Variants in SLC35F3 observed in about 807,000 individuals in gnomAD.
SLC35F3 encodes the protein solute carrier family 35 member F3.
A neutral mutation model predicts 49.9 loss-of-function variants in SLC35F3; 25 were observed. That is an observed-to-expected ratio of 0.50 (90% CI 0.37 to 0.70). The LOEUF (loss-of-function observed/expected upper bound fraction) is 0.70, where lower values mean the gene tolerates loss of function less well. SLC35F3 is among the 30% of genes least tolerant of loss of function. The pLI is 0.00. For missense variants in SLC35F3, 525 were observed against 639.8 expected (o/e 0.82, Z 1.94); for synonymous variants, 275 against 265.4 (o/e 1.04, Z -0.35).
At chr1:234,173,332 T>C (rs1330671975) in intron 2 of SLC35F3, among the ~76,000 whole-genome samples, 1 of 152,184 alleles carries the variant, frequency 6.6e-6, no homozygotes, top group African/African-American at 2.4e-5. Context: ...CCCTGAAAGG[T>C]AGACACTCTT....
At chr1:233,972,747 G>C (rs1456106370) in intron 2 of SLC35F3, among the ~76,000 whole-genome samples, 4 of 152,196 alleles carry the variant, frequency 2.6e-5, no homozygotes, top group African/African-American at 4.8e-5. Flanking sequence ...CATTACTTGG[G>C]TGTATGAGGC....
chr1:234,017,171 C>G (rs1663813340), intron 2 of SLC35F3, among the ~76,000 whole-genome samples: 1 of 152,162 alleles, frequency 6.6e-6, no homozygotes, highest in African/African-American at 2.4e-5. Flanking sequence ...TTAGTGAATA[C>G]TGAACAGTTT....
intron 2 of SLC35F3, among the ~76,000 whole-genome samples, chr1:234,152,935 T>A (rs1461324639): frequency 6.6e-6 from 1 of 152,220 alleles, no homozygotes; most frequent in East Asian, 1.9e-4. Flanking sequence ...TGGCGTGAGA[T>A]GGTGTCTCAT....
intron 2 of SLC35F3, among the ~76,000 whole-genome samples, chr1:234,212,326 G>A (rs1667056338): frequency 6.6e-6 from 1 of 152,202 alleles, no homozygotes; most frequent in African/African-American, 2.4e-5. Flanking sequence ...TTCCCCAGGA[G>A]TGTACAGATG....
chr1:234,059,797 T>C (rs1016178375), intron 2 of SLC35F3, among the ~76,000 whole-genome samples: 1 of 152,170 alleles, frequency 6.6e-6, no homozygotes, highest in African/African-American at 2.4e-5. Context: ...ATTGAAAAAC[T>C]TGGGGCCTGA....
In SLC35F3 at chr1:234,126,476, C is replaced by CGTGTGTGTGTGTGT. The variant is rs147108235; in HGVS notation, c.284-104941_284-104940insGTGTGTGTGTGTGT. ...AATCCACTGATCTGCCCCTGTTTTA[C>CGTGTGTGTGTGTGT]ATGTGTGTGTGTGTGTATTTAGTTC... On this transcript the variant is annotated intron_variant, in intron 2 of 7. Coordinates refer to ENST00000366618, the MANE Select transcript of SLC35F3 (RefSeq NM_173508.4). Among the ~76,000 whole-genome samples the CGTGTGTGTGTGTGT allele has an allele frequency of 4.6e-3, 553 of 119,368 alleles. 5 individuals carry two copies. The highest frequency in any genetic ancestry group is 0.016 in the African/African-American group (509 of 31,662). The allele number at this position is 119,368 out of a possible 152,430, so 78.3% of individuals were successfully genotyped here. A position where few individuals can be genotyped will look rare whatever the true frequency, so the allele number is the denominator to read the frequency against.
intron 2 of SLC35F3, among the ~76,000 whole-genome samples, chr1:234,077,703 G>A (rs564264283): frequency 6.6e-6 from 1 of 152,232 alleles, no homozygotes; most frequent in South Asian, 2.1e-4. Context: ...CTTTGGGCAG[G>A]CGGTGGGTTC....
Position 234,104,474 on chromosome 1 carries a change from G to T in SLC35F3, c.284-126943G>T, listed in dbSNP as rs189863359. On this transcript the variant is annotated intron_variant, in intron 2 of 7. Coordinates refer to ENST00000366618, the MANE Select transcript of SLC35F3 (RefSeq NM_173508.4). ...AAAGATAAAAGATTACACTGAGTAG[G>T]CCTTTAAATGACAACAGCCAATTAC... Among the ~76,000 whole-genome samples, 3 of 152,160 alleles carry T rather than the reference G, an allele frequency of 2.0e-5. No homozygotes were observed. In the East Asian group the frequency reaches 5.8e-4, roughly 29 times the overall value.
intron 2 of SLC35F3, among the ~76,000 whole-genome samples, chr1:234,032,603 C>T (rs1489503946): frequency 1.3e-5 from 2 of 152,182 alleles, no homozygotes; most frequent in African/African-American, 4.8e-5. Flanking sequence ...TGAGAATATA[C>T]AATGTTTGGT....
intron 2 of SLC35F3, among the ~76,000 whole-genome samples, chr1:234,010,478 A>G (rs1183357299): frequency 6.6e-6 from 1 of 152,226 alleles, no homozygotes; most frequent in African/African-American, 2.4e-5. Context: ...AATGACAGTA[A>G]CAAGTCCTTA....
chr1:234,190,187 T>C (rs563343604), intron 2 of SLC35F3, among the ~76,000 whole-genome samples: 1 of 152,236 alleles, frequency 6.6e-6, no homozygotes, highest in South Asian at 2.1e-4. Context: ...AAGCAACAAA[T>C]AGCATGATGA....
intron 2 of SLC35F3, among the ~76,000 whole-genome samples, chr1:234,160,147 A>T (rs1347107540): frequency 6.6e-6 from 1 of 152,236 alleles, no homozygotes; most frequent in Non-Finnish European, 1.5e-5. Flanking sequence ...GGCAATTGCC[A>T]TGAAAACTCA....
At chr1:234,287,342 T>C (rs1440146111) in intron 3 of SLC35F3, among the ~76,000 whole-genome samples, 1 of 152,292 alleles carries the variant, frequency 6.6e-6, no homozygotes, top group East Asian at 1.9e-4. Flanking sequence ...TAAACATTCA[T>C]AGAGGTTAAA....
chr1:234,260,287 G>C (rs1188707880), intron 3 of SLC35F3, among the ~76,000 whole-genome samples: 2 of 152,074 alleles, frequency 1.3e-5, no homozygotes, highest in African/African-American at 4.8e-5. Flanking sequence ...TTCGTGAAAG[G>C]CTGCCATATG....
chr1:234,026,398 T>A (rs79391320), intron 2 of SLC35F3, among the ~76,000 whole-genome samples: 4,631 of 152,290 alleles, frequency 0.03, 215 homozygotes, highest in African/African-American at 0.1. Context: ...CTGTTCTGCT[T>A]TACATATCTG....
chr1:234,098,866 C>T (rs977694704), intron 2 of SLC35F3, among the ~76,000 whole-genome samples: 25 of 110,142 alleles, frequency 2.3e-4, no homozygotes, highest in South Asian at 6.2e-4. Flanking sequence ...GTTCAGATGG[C>T]GGTGGTAGTG....
chr1:233,990,992 AGT>A (rs1663347194), intron 2 of SLC35F3, among the ~76,000 whole-genome samples: 5 of 152,206 alleles, frequency 3.3e-5, no homozygotes, highest in Admixed American at 3.3e-4. Flanking sequence ...TCCTTTCAGA[AGT>A]GAGCATTGTG....
At chr1:234,072,876 G>GTT (rs1664738320) in intron 2 of SLC35F3, among the ~76,000 whole-genome samples, 1 of 152,168 alleles carries the variant, frequency 6.6e-6, no homozygotes, top group Admixed American at 6.5e-5. Context: ...ACCCTGGAAG[G>GTT]CTTTGATTAG....
At chr1:234,020,850 C>T (rs2102842779) in intron 2 of SLC35F3, among the ~76,000 whole-genome samples, 1 of 152,312 alleles carries the variant, frequency 6.6e-6, no homozygotes, top group East Asian at 1.9e-4. Flanking sequence ...TGTCCTTACA[C>T]TGAACAAAGG....
Sources: gnomAD v4.1 joint callset for allele counts (sites outside exome capture counted in the v4.1 genomes callset) on GRCh38, gnomAD v4.1.1 for gene constraint, MANE v1.5 for transcripts, NCBI Gene and HGNC (gene_info 2026-07-23, HGNC 2026-07-21) for gene names.